Variants in GLMN observed in about 807,000 individuals in gnomAD.
The protein encoded by GLMN is glomulin, FKBP associated protein, also known as glomulin.
In GLMN, 75 loss-of-function variants were observed where a neutral mutation model predicts 87.8. That is an observed-to-expected ratio of 0.85 (90% confidence interval 0.71 to 1.04). The LOEUF (loss-of-function observed/expected upper bound fraction) is 1.04. Among genes scored for constraint, GLMN ranks in the 50% least tolerant of loss-of-function variants. The probability of loss-of-function intolerance (pLI) is 0.00; values close to 1 mark genes in which losing one functional copy is unlikely to be tolerated. For synonymous variants in GLMN, 206 were observed against 221.6 expected, an observed-to-expected ratio of 0.93 and a Z score of 0.63; for missense variants, 588 against 658.8, an observed-to-expected ratio of 0.89 and a Z score of 1.18.
chr1:92,265,923 G>A (rs1381248792), intron 13 of GLMN, among the ~76,000 whole-genome samples: 1 of 152,096 alleles, frequency 6.6e-6, no homozygotes, highest in Non-Finnish European at 1.5e-5. Flanking sequence ...TTTACTATTT[G>A]GCTCTTCACA....
At chr1:92,369,364 G>T in the GLMN span, among the ~76,000 whole-genome samples, 13 of 152,256 alleles carry the variant, frequency 8.5e-5, no homozygotes, top group Non-Finnish European at 1.9e-4. Flanking sequence ...TGATCATAGC[G>T]CACTGTAAAC....
chr1:92,290,164 AC>A, intron 5 of GLMN, 33 bp downstream of exon 5: 1 of 1,177,980 alleles, frequency 8.5e-7, no homozygotes, highest in Non-Finnish European at 1.3e-6. Context: ...TAGAGATACA[AC>A]AAGAAGTACT....
the GLMN span, among the ~76,000 whole-genome samples, chr1:92,307,592 A>T: frequency 1.3e-5 from 2 of 152,130 alleles, no homozygotes; most frequent in African/African-American, 4.8e-5. Flanking sequence ...AGAATGTTAA[A>T]TTTTTTCAGA....
chr1:92,340,648 G>GC, the GLMN span, among the ~76,000 whole-genome samples: 14 of 152,240 alleles, frequency 9.2e-5, no homozygotes, highest in East Asian at 7.7e-4. Context: ...TTTTCTAAAA[G>GC]CCCCCCTTAG....
intron 3 of GLMN, among the ~76,000 whole-genome samples, chr1:92,292,586 CTT>C (rs1161512049): frequency 6.4e-5 from 8 of 125,354 alleles, no homozygotes; most frequent in Admixed American, 1.6e-4. Context: ...AATTTTTTGC[CTT>C]TTTTTTTTTT....
chr1:92,272,103 C>T (rs907176549), intron 7 of GLMN, among the ~76,000 whole-genome samples: 1 of 152,230 alleles, frequency 6.6e-6, no homozygotes, highest in African/African-American at 2.4e-5. Context: ...CCCTGGCTGA[C>T]AGCCAGCAAG....
At chr1:92,300,404 A>G (rs1236499336), upstream of GLMN, among the ~76,000 whole-genome samples, 5 of 152,090 alleles carry the variant, frequency 3.3e-5, no homozygotes, top group East Asian at 7.7e-4. Context: ...AGACTGTTAC[A>G]TTCCTCTACT....
the GLMN span, among the ~76,000 whole-genome samples, chr1:92,334,592 A>G: frequency 6.6e-6 from 1 of 152,218 alleles, no homozygotes; most frequent in Non-Finnish European, 1.5e-5. Flanking sequence ...TCATGCCTGT[A>G]ATCCCAGAAC....
upstream of GLMN, chr1:92,299,039 G>C (rs1338350562): frequency 3.0e-6 from 4 of 1,326,476 alleles, no homozygotes; most frequent in East Asian, 1.1e-4. Flanking sequence ...GCGAGACGCC[G>C]GAGCGTGTCC....
the GLMN span, among the ~76,000 whole-genome samples, chr1:92,355,660 T>G: frequency 2.0e-5 from 3 of 152,188 alleles, no homozygotes; most frequent in Non-Finnish European, 4.4e-5. Context: ...CTCTTTCTAG[T>G]GCAGACTTTA....
At chr1:92,350,488 T>G in the GLMN span, among the ~76,000 whole-genome samples, 434 of 152,346 alleles carry the variant, frequency 2.8e-3, 4 homozygotes, top group African/African-American at 9.9e-3. Flanking sequence ...GACTTTACTC[T>G]TAGATCTGAT....
At chr1:92,266,598 A>G (rs1239531160) in intron 12 of GLMN, 102 bp downstream of exon 12, 3 of 1,113,880 alleles carry the variant, frequency 2.7e-6, no homozygotes, top group Admixed American at 3.8e-5. Flanking sequence ...TACCTCCTAA[A>G]TAAAAATTTC....
chr1:92,353,104 G>T, the GLMN span, among the ~76,000 whole-genome samples: 1 of 151,908 alleles, frequency 6.6e-6, no homozygotes, highest in Non-Finnish European at 1.5e-5. Flanking sequence ...ACAAACATTT[G>T]GGTTATTTCC....
chr1:92,307,073 ATC>A, the GLMN span: 1 of 694,936 alleles, frequency 1.4e-6, no homozygotes, highest in East Asian at 2.8e-5. Context: ...TGGGTGGTAG[ATC>A]TGTAGGTTTC....
At chr1:92,246,954 T>C in intron 18 of GLMN, 108 bp downstream of exon 18, 1 of 761,082 alleles carries the variant, frequency 1.3e-6, no homozygotes, top group Non-Finnish European at 2.4e-6. Context: ...GCCCAGGGAG[T>C]TGAAGCTGCA....
Position 92,297,527 on chromosome 1 carries a change from T to C in GLMN, c.42A>G (p.Gln14=), listed in dbSNP as rs1208089130. ...EELQSIIKRC[Q]ILEEQDFKEE... ...CTTTAAAGTCTTGCTCTTCTAGGATTTGCTGGCAAAAAAAAAAAAAACCCA... is the reference window on the plus strand; with the variant it reads ...CTTTAAAGTCTTGCTCTTCTAGGATCTGCTGGCAAAAAAAAAAAAAACCCA... The change falls in exon 3 of 19, where the codon CAA becomes CAG. Residue 14 remains glutamine, a splice_region_variant and synonymous_variant. Transcript: ENST00000370360. 6.3e-7 allele frequency: 1 copy of C among 1,591,894 alleles called. No individual in the cohort carries two copies. The highest frequency in any genetic ancestry group is 8.5e-7 in the Non-Finnish European group (1 of 1,173,998).
the GLMN span, among the ~76,000 whole-genome samples, chr1:92,367,578 T>G: frequency 6.6e-6 from 1 of 152,192 alleles, no homozygotes; most frequent in Non-Finnish European, 1.5e-5. Context: ...TTAGCAGTCT[T>G]TACATCTTCA....
chr1:92,255,729 A>C (rs1654139033), intron 16 of GLMN, among the ~76,000 whole-genome samples: 1 of 152,244 alleles, frequency 6.6e-6, no homozygotes, highest in African/African-American at 2.4e-5. Context: ...ACAAAGACAC[A>C]ACATACCAGA....
chr1:92,304,594 G>C, the GLMN span, among the ~76,000 whole-genome samples: 1 of 152,060 alleles, frequency 6.6e-6, no homozygotes, highest in African/African-American at 2.4e-5. Context: ...GTGCATATTG[G>C]CACAAATCTG....
Sources: gnomAD v4.1 joint callset for allele counts (sites outside exome capture counted in the v4.1 genomes callset) on GRCh38, gnomAD v4.1.1 for gene constraint, MANE v1.5 for transcripts, NCBI Gene and HGNC (gene_info 2026-07-23, HGNC 2026-07-21) for gene names.